Variants in NCALD observed in about 807,000 individuals in gnomAD.
NCALD encodes neurocalcin delta, also known as neurocalcin-delta.
Under a neutral mutation model 18.6 loss-of-function variants are expected in NCALD, and 10 were observed. The observed-to-expected ratio is 0.54, with a 90% CI of 0.33 to 0.91. The LOEUF is 0.91. Among genes scored for constraint, NCALD ranks in the 40% least tolerant of loss-of-function variants. The probability of loss-of-function intolerance (pLI) is 0.03; values close to 1 mark genes in which losing one functional copy is unlikely to be tolerated. For synonymous variants in NCALD, 88 were observed against 87.4 expected, an observed-to-expected ratio of 1.01 and a Z score of -0.04; for missense variants, 184 against 247.6, an observed-to-expected ratio of 0.74 and a Z score of 1.72.
chr8:101,740,216 A>G (rs1810125976), intron 1 of NCALD, among the ~76,000 whole-genome samples: 1 of 152,228 alleles, frequency 6.6e-6, no homozygotes, highest in Non-Finnish European at 1.5e-5. Flanking sequence ...CACTGTTACC[A>G]CTAACATCTG....
At chr8:101,822,008 T>G (rs1813743528) in intron 4 of NCALD, among the ~76,000 whole-genome samples, 1 of 152,086 alleles carries the variant, frequency 6.6e-6, no homozygotes, top group Admixed American at 6.6e-5. Flanking sequence ...TGTGAAACTT[T>G]CCTCGAGACA....
In NCALD at chr8:101,872,549, T is replaced by A. The variant is rs117305489; in HGVS notation, c.-20+14592A>T. ...TCAGTGTCTGTGTTGGGGTCCTGCA[T>A]CTTGTTTCCAATCGCTCAAGCCAAT... is the stretch of plus-strand genomic sequence containing the variant. On this transcript the variant is annotated intron_variant, in intron 4 of 6. Coordinates refer to the NCALD transcript ENST00000311028. 2,323 of 651,998 alleles carry A rather than the reference T, an allele frequency of 3.6e-3. 10 individuals are homozygous for A. The highest frequency in any genetic ancestry group is 4.4e-3 in the Non-Finnish European group (1,563 of 357,436). 40.4% of individuals were successfully genotyped at this position (651,998 alleles called of 1,614,324 possible).
intron 1 of NCALD, among the ~76,000 whole-genome samples, chr8:101,756,995 A>G (rs185270427): frequency 6.6e-6 from 1 of 152,272 alleles, no homozygotes; most frequent in East Asian, 1.9e-4. Flanking sequence ...TTAGTCTCTT[A>G]TGTCTCTGTC....
chr8:101,855,577 G>A (rs1199173848), intron 4 of NCALD, among the ~76,000 whole-genome samples: 1 of 152,060 alleles, frequency 6.6e-6, no homozygotes, highest in African/African-American at 2.4e-5. Flanking sequence ...TTAAAGACAT[G>A]GATATACTCA....
chr8:101,855,494 T>A (rs973463214), intron 4 of NCALD, among the ~76,000 whole-genome samples: 1 of 152,184 alleles, frequency 6.6e-6, no homozygotes. Context: ...TTAGTTTCAA[T>A]AAGCCACTGA....
chr8:101,694,867 G>A (rs974798733), intron 2 of NCALD, among the ~76,000 whole-genome samples: 1 of 152,138 alleles, frequency 6.6e-6, no homozygotes, highest in Admixed American at 6.5e-5. Context: ...TTGCAAATGG[G>A]AGAAGAGAGG....
intron 4 of NCALD, among the ~76,000 whole-genome samples, chr8:101,819,777 C>T (rs1813645647): frequency 6.6e-6 from 1 of 152,154 alleles, no homozygotes; most frequent in East Asian, 1.9e-4. Context: ...GCGAGATAAA[C>T]AGCAGCAGCG....
At position 102,043,745 on chromosome 8, in the gene NCALD, A is replaced by AGGGAAG. The variant is rs924493327; in HGVS notation, c.-209-23462_-209-23457dup. ...GGAGGGGGAGGAGGAGGATGGGGAA[A>AGGGAAG]GGGAAGGGGAAGGGGAAGGGGAAGC... On this transcript the variant is annotated intron_variant, in intron 1 of 6. Transcript: ENST00000311028. Among the ~76,000 whole-genome samples the AGGGAAG allele has an allele frequency of 1.3e-4, 13 of 100,848 alleles. No homozygotes were observed. In the East Asian group the frequency reaches 2.5e-3, roughly 19 times the overall value. 66.2% of individuals were successfully genotyped at this position (100,848 alleles called of 152,430 possible).
chr8:102,093,090 T>C (rs975414671), intron 1 of NCALD, among the ~76,000 whole-genome samples: 1 of 151,854 alleles, frequency 6.6e-6, no homozygotes, highest in African/African-American at 2.4e-5. Flanking sequence ...CCCAGTGAGG[T>C]TGAGGCTGCA....
At position 101,689,361 on chromosome 8, in the gene NCALD, G is replaced by T. The variant is rs1360923358; in HGVS notation, c.530C>A (p.Pro177Gln). 1.2e-6 allele frequency: 2 copies of T among 1,613,146 alleles called. No individual in the cohort carries two copies. The highest frequency in any genetic ancestry group is 1.3e-5 in the African/African-American group (1 of 75,038). ...GCACTGCAGGAGGCGCACAATGGAC[G>T]GGTCGCTTTTGGCTCCTCGGATGAA... The part of the protein sequence containing the change: ...EEFIRGAKSD[P>Q]SIVRLLQCDP... The change falls in exon 4 of 4, where the codon CCG becomes CAG. Residue 177 changes from proline (P) to glutamine (Q), a missense_variant. Physicochemically the swap from Pro to Gln is moderately conservative, Grantham distance 76 (BLOSUM62 -1). Coordinates refer to ENST00000220931, the MANE Select transcript of NCALD (RefSeq NM_032041.3). This position sits in a 1 kb window ranked among gnomAD's most constrained non-coding sequence, Gnocchi z 4.4.
At chr8:102,120,139 G>A (rs961853573) in intron 1 of NCALD, among the ~76,000 whole-genome samples, 56 of 152,120 alleles carry the variant, frequency 3.7e-4, no homozygotes, top group African/African-American at 1.2e-3. Context: ...AAATTATTGC[G>A]TGCTTCTAAC....
intron 3 of NCALD, among the ~76,000 whole-genome samples, chr8:101,690,052 G>A (rs1814649993): frequency 6.6e-6 from 1 of 152,190 alleles, no homozygotes; most frequent in South Asian, 2.1e-4. Context: ...CTCTCAGTTA[G>A]GGTGCTCTCC....
chr8:101,845,961 T>C (rs76999711), intron 4 of NCALD, among the ~76,000 whole-genome samples: 3,911 of 152,342 alleles, frequency 0.026, 170 homozygotes, highest in African/African-American at 0.087. Context: ...CTGGATTATT[T>C]CACTAAACAT....
chr8:101,722,802 C>T (rs1213115636), intron 1 of NCALD, among the ~76,000 whole-genome samples: 1 of 152,158 alleles, frequency 6.6e-6, no homozygotes, highest in African/African-American at 2.4e-5. Flanking sequence ...ACAAATTCAT[C>T]AGCACAGAAA....
intron 3 of NCALD, among the ~76,000 whole-genome samples, chr8:101,901,271 T>C (rs1027059982): frequency 2.6e-5 from 4 of 151,674 alleles, no homozygotes; most frequent in Admixed American, 6.6e-5. Flanking sequence ...CAGCATATAG[T>C]TGGGGTTTTT....
intron 4 of NCALD, among the ~76,000 whole-genome samples, chr8:101,878,023 T>TA (rs1816301327): frequency 6.6e-6 from 1 of 152,222 alleles, no homozygotes; most frequent in Non-Finnish European, 1.5e-5. Context: ...ATCAAACTGT[T>TA]ACTAATTATG....
intron 4 of NCALD, among the ~76,000 whole-genome samples, chr8:101,799,783 C>A (rs1812772691): frequency 6.6e-6 from 1 of 152,072 alleles, no homozygotes; most frequent in South Asian, 2.1e-4. Flanking sequence ...GTAGGGAAGC[C>A]AGGAAAGTAC....
chr8:101,691,549 T>C, intron 3 of NCALD: 1 of 985,422 alleles, frequency 1.0e-6, no homozygotes, highest in Non-Finnish European at 1.2e-6. Context: ...TTGTGCTCCC[T>C]TGAGTACCAG....
chr8:102,005,123 T>C (rs372619532), intron 2 of NCALD, among the ~76,000 whole-genome samples: 3 of 152,192 alleles, frequency 2.0e-5, no homozygotes, highest in East Asian at 1.9e-4. Context: ...ATTTTTGCAA[T>C]CTACTCATCT....
Sources: allele counts gnomAD v4.1 joint callset (sites outside exome capture counted in the v4.1 genomes callset), GRCh38; gene constraint gnomAD v4.1.1; non-coding constraint Gnocchi (gnomAD v3.1); transcripts MANE v1.5; gene names NCBI Gene and HGNC (gene_info 2026-07-23, HGNC 2026-07-21).